The following MAP1LC3B variants were observed in gnomAD, a reference collection of about 807,000 sequenced individuals.
MAP1LC3B encodes the protein microtubule-associated protein 1 light chain 3 beta.
A neutral mutation model predicts 16.7 loss-of-function variants in MAP1LC3B; 12 were observed. That is an observed-to-expected ratio of 0.72 (90% confidence interval 0.46 to 1.16). The LOEUF is 1.16. Ranked by LOEUF, MAP1LC3B falls within the 50% of genes most tolerant of loss-of-function variation. The pLI is 0.00. For missense variants in MAP1LC3B, 155 were observed against 159.5 expected, an observed-to-expected ratio of 0.97 and a Z score of 0.15; for synonymous variants, 63 against 56.5, an observed-to-expected ratio of 1.11 and a Z score of -0.51.
rs149003518 is a variant in MAP1LC3B at position 87,402,990 on chromosome 16, G to A, written c.271G>A (p.Val91Ile). 118 of 1,613,922 alleles carry A rather than the reference G, an allele frequency of 7.3e-5. No individual in the cohort carries two copies. The highest frequency in any genetic ancestry group is 9.1e-5 in the Non-Finnish European group (107 of 1,179,920). Residue 91 changes from valine to isoleucine, a missense_variant, in exon 4 of 4, where the codon GTC (valine) becomes ATC (isoleucine). Val to Ile is a conservative substitution (Grantham distance 29). Transcript: ENST00000268607. The part of the protein sequence containing the change: ...LLVNGHSMVS[V>I]STPISEVYES... Reference sequence around the variant, plus strand: ...GGTGAACGGACACAGCATGGTCAGCGTCTCCACACCAATCTCAGAGGTGTA... The same window carrying A: ...GGTGAACGGACACAGCATGGTCAGCATCTCCACACCAATCTCAGAGGTGTA...
intron 1 of MAP1LC3B, chr16:87,396,561 C>T (rs1222403356): frequency 6.6e-6 from 1 of 151,956 alleles, no homozygotes; most frequent in Admixed American, 6.6e-5. Context: ...TGAAACATTC[C>T]AGGATATATG....
chr16:87,394,639 G>T (rs1907736157), intron 1 of MAP1LC3B, among the ~76,000 whole-genome samples: 1 of 152,182 alleles, frequency 6.6e-6, no homozygotes, highest in South Asian at 2.1e-4. Flanking sequence ...GTCTGGACTG[G>T]TACCTTTAAC....
In MAP1LC3B at chr16:87,402,166, C is replaced by G; in HGVS notation, c.97-9C>G. The G allele has an allele frequency of 6.2e-7, 1 of 1,613,896 alleles. No individual in the cohort carries two copies. The highest frequency in any genetic ancestry group is 8.5e-7 in the Non-Finnish European group (1 of 1,179,908). ...ACTATTTTAAAATCACTTCTGGCTT[C>G]TTTTCCAGGTGATAATAGAACGATA... On this transcript the variant is annotated splice_polypyrimidine_tract_variant and intron_variant, in intron 2 of 3. Transcript: ENST00000268607.
chr16:87,397,666 A>G (rs769253336), intron 1 of MAP1LC3B, among the ~76,000 whole-genome samples: 6 of 152,194 alleles, frequency 3.9e-5, no homozygotes, highest in African/African-American at 7.2e-5. Context: ...GAGATTGGCA[A>G]TGATATTAGA....
rs947434234 is a variant in MAP1LC3B, at chr16:87,392,466, C to T, written c.39C>T (p.Phe13=). 1.7e-5 allele frequency: 23 copies of T among 1,337,984 alleles called. No individual in the cohort carries two copies. Among genetic ancestry groups the T allele is most frequent in the Non-Finnish European group, 1.1e-5 (12 of 1,051,188 alleles). 82.9% of individuals were successfully genotyped at this position (1,337,984 alleles called of 1,614,324 possible). A position where few individuals can be genotyped will look rare whatever the true frequency, so the allele number is the denominator to read the frequency against. The change falls in exon 1 of 4, where the codon TTC becomes TTT. Residue 13 remains phenylalanine, a splice_region_variant and synonymous_variant. Transcript: ENST00000268607. Reference sequence around the variant, plus strand: ...AGACCTTCAAGCAGCGCCGCACCTTCGGTGAGTGTCGCCGCGAGGGCGGCG... The same window carrying T: ...AGACCTTCAAGCAGCGCCGCACCTTTGGTGAGTGTCGCCGCGAGGGCGGCG... ...SEKTFKQRRT[F]EQRVEDVRLI...
In MAP1LC3B at chr16:87,403,865, G is replaced by A. The variant is rs1275651980; in HGVS notation, c.*768G>A. On this transcript the variant is annotated 3_prime_UTR_variant, in exon 4 of 4. Coordinates refer to ENST00000268607, the MANE Select transcript of MAP1LC3B (RefSeq NM_022818.5). ...TGGCATTTCTTCTGTTTCAGGTTTT[G>A]TCTGAGTTCAAACTAGTGCCTGTGT... The A allele has an allele frequency of 1.3e-5, 2 of 152,182 alleles. No individual in the cohort carries two copies. Among genetic ancestry groups the A allele is most frequent in the Non-Finnish European group, 2.9e-5 (2 of 68,030 alleles). The allele number at this position is 152,182 out of a possible 1,614,324, so 9.4% of individuals were successfully genotyped here.
chr16:87,398,097 A>G (rs1292612394), intron 1 of MAP1LC3B, among the ~76,000 whole-genome samples: 1 of 151,714 alleles, frequency 6.6e-6, no homozygotes, highest in East Asian at 1.9e-4. Flanking sequence ...ATGTCCGCTC[A>G]CTGCAACCTC....
chr16:87,396,952 C>G (rs528232521), intron 1 of MAP1LC3B: 3 of 152,282 alleles, frequency 2.0e-5, no homozygotes, highest in Non-Finnish European at 4.4e-5. Flanking sequence ...CTCAGCCTCC[C>G]TAGTAGCTGG....
chr16:87,395,520 T>A (rs772899512), intron 1 of MAP1LC3B, among the ~76,000 whole-genome samples: 2 of 152,222 alleles, frequency 1.3e-5, no homozygotes, highest in Non-Finnish European at 2.9e-5. Flanking sequence ...AATGCTTTTG[T>A]TAAATATACT....
In MAP1LC3B at chr16:87,402,181, A is replaced by G; in HGVS notation, c.103A>G (p.Ile35Val). The G allele has an allele frequency of 6.2e-7, 1 of 1,614,064 alleles. No homozygotes were observed. Among genetic ancestry groups the G allele is most frequent in the Non-Finnish European group, 8.5e-7 (1 of 1,179,988 alleles). ...EQHPTKIPVI[I>V]ERYKGEKQLP... ...CTTCTGGCTTCTTTTCCAGGTGATAATAGAACGATACAAGGGTGAGAAGCA... is the reference window on the plus strand; with the variant it reads ...CTTCTGGCTTCTTTTCCAGGTGATAGTAGAACGATACAAGGGTGAGAAGCA... The change falls in exon 3 of 4, where the codon ATA becomes GTA. Residue 35 changes from isoleucine to valine, a missense_variant. Coordinates refer to ENST00000268607, the MANE Select transcript of MAP1LC3B (RefSeq NM_022818.5).
intron 1 of MAP1LC3B, 106 bp downstream of exon 1, chr16:87,392,573 C>A: frequency 9.3e-7 from 1 of 1,080,006 alleles, no homozygotes; most frequent in South Asian, 4.6e-5. Flanking sequence ...GCCGGGAGGC[C>A]GAGCGGGGCC....
chr16:87,402,573 G>C, intron 3 of MAP1LC3B: 1 of 539,190 alleles, frequency 1.9e-6, no homozygotes, highest in Non-Finnish European at 3.2e-6. Context: ...GTATTGTACA[G>C]CAAAGCTAGT....
chr16:87,398,998 C>T (rs761896808), intron 2 of MAP1LC3B, 128 bp downstream of exon 2: 1 of 770,460 alleles, frequency 1.3e-6, no homozygotes, highest in Non-Finnish European at 2.3e-6. Context: ...AGTTTCACAA[C>T]CTAGAGAGAG....
chr16:87,392,606 C>T (rs1166165559), intron 1 of MAP1LC3B, 139 bp downstream of exon 1: 2 of 818,794 alleles, frequency 2.4e-6, no homozygotes, highest in Non-Finnish European at 3.1e-6. Flanking sequence ...CCGGCGGGGC[C>T]GAGGGATGCG....
chr16:87,399,171 T>C, intron 2 of MAP1LC3B: 1 of 353,812 alleles, frequency 2.8e-6, no homozygotes, highest in Non-Finnish European at 5.3e-6. Flanking sequence ...TACACCTGGC[T>C]AATTTTTTAA....
At chr16:87,393,885 A>G (rs934349062) in intron 1 of MAP1LC3B, among the ~76,000 whole-genome samples, 4 of 152,200 alleles carry the variant, frequency 2.6e-5, no homozygotes, top group Admixed American at 2.0e-4. Context: ...GTTTTCACCA[A>G]TGAAAAGTTA....
At chr16:87,392,756 C>T (rs1907637251) in intron 1 of MAP1LC3B, 2 of 159,876 alleles carry the variant, frequency 1.3e-5, no homozygotes, top group Non-Finnish European at 2.7e-5. Flanking sequence ...CCGGTGCGCT[C>T]GGGGCCCCGG....
chr16:87,396,148 A>T (rs1303812715), intron 1 of MAP1LC3B, among the ~76,000 whole-genome samples: 1 of 151,118 alleles, frequency 6.6e-6, no homozygotes, highest in Admixed American at 6.6e-5. Flanking sequence ...AGCGTGAGCC[A>T]CCGCACCCAG....
chr16:87,399,157 C>G, intron 2 of MAP1LC3B: 1 of 408,222 alleles, frequency 2.4e-6, no homozygotes, highest in Non-Finnish European at 4.5e-6. Context: ...GAGGCACACA[C>G]CACTACACCT....
Sources: allele counts gnomAD v4.1 joint callset (sites outside exome capture counted in the v4.1 genomes callset), GRCh38; gene constraint gnomAD v4.1.1; transcripts MANE v1.5; gene names NCBI Gene and HGNC (gene_info 2026-07-23, HGNC 2026-07-21).